Variants in MYO16 observed in about 807,000 individuals in gnomAD.
The protein encoded by MYO16 is myosin XVI.
A neutral mutation model predicts 205.3 loss-of-function variants in MYO16; 94 were observed. The ratio of observed to expected loss-of-function variants is 0.46; its 90% CI spans 0.39 to 0.54. The LOEUF is 0.54. Among genes scored for constraint, MYO16 ranks in the 20% least tolerant of loss-of-function variants. The pLI is 0.00. For missense variants in MYO16, 2,315 were observed against 2,387.5 expected, an observed-to-expected ratio of 0.97 and a Z score of 0.63; for synonymous variants, 988 against 954.0, an observed-to-expected ratio of 1.04 and a Z score of -0.66.
At chr13:108,826,953 G>T (rs1004639182) in intron 9 of MYO16, among the ~76,000 whole-genome samples, 25 of 152,116 alleles carry the variant, frequency 1.6e-4, no homozygotes, top group African/African-American at 6.0e-4. Context: ...AAATGGTGAG[G>T]CAGTGATGAA....
chr13:109,102,678 A>C (rs1210447824), intron 28 of MYO16, among the ~76,000 whole-genome samples: 1 of 152,158 alleles, frequency 6.6e-6, no homozygotes, highest in Non-Finnish European at 1.5e-5. Flanking sequence ...AGACCACTGT[A>C]AAGTACAGGT....
intron 27 of MYO16, among the ~76,000 whole-genome samples, chr13:109,075,794 A>C (rs1888079715): frequency 6.6e-6 from 1 of 152,136 alleles, no homozygotes; most frequent in Non-Finnish European, 1.5e-5. Flanking sequence ...ATATATTCTG[A>C]AGACACATGT....
At chr13:108,781,239 G>A (rs1223208695) in intron 4 of MYO16, among the ~76,000 whole-genome samples, 5 of 152,174 alleles carry the variant, frequency 3.3e-5, no homozygotes, top group Non-Finnish European at 7.3e-5. Context: ...AACAGTAATG[G>A]CATCCCTGCA....
At position 108,940,195 on chromosome 13, in the gene MYO16, G is replaced by C. The variant is rs183513114; in HGVS notation, c.1926-17493G>C. On this transcript the variant is annotated intron_variant, in intron 16 of 34. Coordinates refer to ENST00000457511, the MANE Select transcript of MYO16 (RefSeq NM_001198950.3). The stretch of plus-strand genomic sequence containing the variant: ...GAGAACACTTAGGAGTAATTGAGAA[G>C]TTAAGGGGACAAGATTCAGATATCA... Among the ~76,000 whole-genome samples the C allele has an allele frequency of 4.6e-5, 7 of 152,248 alleles. No individual in the cohort carries two copies. The East Asian group carries it at 1.4e-3, about 30-fold the overall frequency.
intron 2 of MYO16, among the ~76,000 whole-genome samples, chr13:108,691,331 CG>C (rs1288160483): frequency 1.3e-5 from 2 of 151,500 alleles, no homozygotes; most frequent in African/African-American, 2.4e-5. Context: ...TTTTAAATAA[CG>C]GAAGGAAACC....
At chr13:108,891,693 A>G (rs545105198) in intron 14 of MYO16, among the ~76,000 whole-genome samples, 23 of 152,346 alleles carry the variant, frequency 1.5e-4, no homozygotes, top group African/African-American at 5.3e-4. Flanking sequence ...CTGGCCGTAC[A>G]CACATTTACA....
intron 20 of MYO16, among the ~76,000 whole-genome samples, chr13:108,969,688 G>A (rs988280852): frequency 5.3e-5 from 8 of 152,280 alleles, no homozygotes; most frequent in African/African-American, 1.7e-4. Context: ...GTGTTAGCAC[G>A]TTTGAGAGGC....
At chr13:108,969,174 C>T (rs1457337946) in intron 20 of MYO16, among the ~76,000 whole-genome samples, 1 of 152,102 alleles carries the variant, frequency 6.6e-6, no homozygotes, top group Non-Finnish European at 1.5e-5. Context: ...ATATGGAAGA[C>T]CCATGTAGTT....
At chr13:109,113,566 A>C (rs547939206) in intron 28 of MYO16, among the ~76,000 whole-genome samples, 105 of 152,342 alleles carry the variant, frequency 6.9e-4, no homozygotes, top group African/African-American at 2.4e-3. Flanking sequence ...TAATTTATGG[A>C]GCTACTGAAA....
intron 23 of MYO16, among the ~76,000 whole-genome samples, chr13:109,023,843 T>TTA (rs199929760): frequency 0.017 from 2,338 of 137,508 alleles, 66 homozygotes; most frequent in African/African-American, 0.058. Flanking sequence ...TATTAGATAT[T>TTA]TATATTCAAT....
In MYO16 at chr13:108,910,050, C is replaced by T; in HGVS notation, c.1825C>T (p.Pro609Ser). 2 of 1,613,442 alleles carry T rather than the reference C, an allele frequency of 1.2e-6. No homozygotes were observed. Among genetic ancestry groups the T allele is most frequent in the Non-Finnish European group, 1.7e-6 (2 of 1,179,614 alleles). ...LLEKSRLVSQ[P>S]LGQSNFLIFY... The stretch of plus-strand genomic sequence containing the variant: ...AGAGAAATCCAGACTTGTTTCACAA[C>T]CTCTTGGCCAGAGCAATTTTCTCAT... The change falls in exon 16 of 35, where the codon CCT becomes TCT. Residue 609 changes from proline to serine, a missense_variant. Around this residue, in one of 3 missense-constraint regions of MYO16, gnomAD observed 1,213 missense variants for 1,274.4 expected, o/e 0.95. Coordinates refer to ENST00000457511, the MANE Select transcript of MYO16 (RefSeq NM_001198950.3).
chr13:108,672,290 C>T (rs1882022701), intron 2 of MYO16, among the ~76,000 whole-genome samples: 1 of 151,942 alleles, frequency 6.6e-6, no homozygotes, highest in African/African-American at 2.4e-5. Flanking sequence ...TAGTCAAATG[C>T]ACTTGTTTAT....
At chr13:108,898,810 C>T (rs1362039934) in intron 15 of MYO16, among the ~76,000 whole-genome samples, 1 of 152,066 alleles carries the variant, frequency 6.6e-6, no homozygotes, top group Non-Finnish European at 1.5e-5. Flanking sequence ...TAGAATTTTA[C>T]ATCTTTCCAA....
intron 1 of MYO16, among the ~76,000 whole-genome samples, chr13:108,610,952 C>T (rs1879151375): frequency 1.3e-5 from 2 of 152,072 alleles, no homozygotes; most frequent in Admixed American, 1.3e-4. Flanking sequence ...TAAGTTGACT[C>T]ATAGTAATAA....
intron 1 of MYO16, among the ~76,000 whole-genome samples, chr13:108,601,963 A>ACAAATTCAT (rs1878779312): frequency 6.6e-6 from 1 of 152,026 alleles, no homozygotes. Flanking sequence ...CGAAATCCCC[A>ACAAATTCAT]GTGTGGTCAT....
intron 23 of MYO16, among the ~76,000 whole-genome samples, chr13:109,023,084 A>C (rs1376661825): frequency 7.5e-6 from 1 of 132,622 alleles, no homozygotes; most frequent in African/African-American, 2.8e-5. Context: ...TTATATATAC[A>C]CATGTAAATA....
intron 34 of MYO16, among the ~76,000 whole-genome samples, chr13:109,184,755 C>T (rs368952655): frequency 6.6e-6 from 1 of 151,666 alleles, no homozygotes; most frequent in African/African-American, 2.4e-5. Context: ...TGCCACCACA[C>T]TTGGCTAATT....
chr13:109,201,275 C>T (rs1429217924), intron 34 of MYO16, among the ~76,000 whole-genome samples: 2 of 152,082 alleles, frequency 1.3e-5, no homozygotes, highest in Non-Finnish European at 2.9e-5. Flanking sequence ...TGACCACTTT[C>T]TAATACTGCT....
chr13:108,523,554 C>T, the MYO16 span, among the ~76,000 whole-genome samples: 3 of 152,214 alleles, frequency 2.0e-5, no homozygotes, highest in African/African-American at 7.2e-5. Context: ...ACCTTCCCAT[C>T]TTATTCAATC....
Sources: allele counts gnomAD v4.1 joint callset (sites outside exome capture counted in the v4.1 genomes callset), GRCh38; gene constraint gnomAD v4.1.1; regional missense constraint gnomAD v4.1.1; transcripts MANE v1.5; gene names NCBI Gene and HGNC (gene_info 2026-07-23, HGNC 2026-07-21).